Variants in FCHSD2 observed in about 807,000 individuals in gnomAD.
FCHSD2 encodes the protein F-BAR and double SH3 domains protein 2.
In FCHSD2, 38 loss-of-function variants were observed where a neutral mutation model predicts 108.1. The ratio of observed to expected loss-of-function variants is 0.35; its 90% confidence interval spans 0.27 to 0.46. The LOEUF (loss-of-function observed/expected upper bound fraction) is 0.46. Ranked by LOEUF, FCHSD2 falls within the 20% of genes least tolerant of loss-of-function variation. FCHSD2 has a pLI of 1.00. For synonymous variants in FCHSD2, 279 were observed against 314.7 expected (o/e 0.89, Z 1.20); for missense variants, 751 against 897.8 (o/e 0.84, Z 2.09).
intron 2 of FCHSD2, among the ~76,000 whole-genome samples, chr11:73,103,146 T>C (rs1860261990): frequency 6.6e-6 from 1 of 152,194 alleles, no homozygotes. Flanking sequence ...GATGGAAATG[T>C]TCTATATATT....
chr11:73,107,053 T>TA lies in FCHSD2; in HGVS notation c.120-23314_120-23313insT, dbSNP rs1565413434. 2.0e-3 allele frequency among the ~76,000 whole-genome samples: 293 copies of TA among 150,138 alleles called. 1 individual carries two copies. The highest frequency in any genetic ancestry group is 7.0e-3 in the African/African-American group (280 of 39,828). On this transcript the variant is annotated intron_variant, in intron 2 of 19. Transcript: ENST00000409418. ...AGAAAAGCTATATATATATATATAT[T>TA]TTTAAATGGAGTCTCACTCTGTCAC... is the stretch of plus-strand genomic sequence containing the variant.
chr11:73,055,858 G>A (rs186853803), intron 3 of FCHSD2, among the ~76,000 whole-genome samples: 58 of 152,222 alleles, frequency 3.8e-4, no homozygotes, highest in African/African-American at 1.3e-3. Context: ...CAGGGGCTGT[G>A]GGAGGAGACA....
At chr11:72,860,775 A>C (rs1565292776) in intron 13 of FCHSD2, among the ~76,000 whole-genome samples, 1 of 152,166 alleles carries the variant, frequency 6.6e-6, no homozygotes, top group East Asian at 1.9e-4. Flanking sequence ...CTGAGATTGC[A>C]TCACTGCACT....
At chr11:72,890,041 C>A in intron 10 of FCHSD2, 96 bp from the exon 11 acceptor site, 1 of 709,570 alleles carries the variant, frequency 1.4e-6, no homozygotes. Flanking sequence ...ACTTAATCAG[C>A]ACTCAAAACA....
intron 3 of FCHSD2, among the ~76,000 whole-genome samples, chr11:73,066,224 C>T (rs954284565): frequency 6.6e-6 from 1 of 152,138 alleles, no homozygotes; most frequent in African/African-American, 2.4e-5. Context: ...CTTTGACAAA[C>T]CTGACACAAA....
At chr11:72,924,664 G>C (rs1856041401) in intron 8 of FCHSD2, among the ~76,000 whole-genome samples, 1 of 150,940 alleles carries the variant, frequency 6.6e-6, no homozygotes, top group South Asian at 2.1e-4. Context: ...TCTTATGTTT[G>C]GCTGTTCCAT....
At chr11:72,875,434 C>T (rs545288450) in intron 12 of FCHSD2, among the ~76,000 whole-genome samples, 4 of 152,292 alleles carry the variant, frequency 2.6e-5, no homozygotes, top group African/African-American at 7.2e-5. Context: ...GCAATAATAG[C>T]TCACTGTAAC....
intron 13 of FCHSD2, among the ~76,000 whole-genome samples, chr11:72,855,102 T>C (rs1861390829): frequency 6.6e-6 from 1 of 152,146 alleles, no homozygotes; most frequent in South Asian, 2.1e-4. Flanking sequence ...GGAGAAACCC[T>C]GTCTCTACTA....
At chr11:72,946,714 A>G (rs1856527886) in intron 8 of FCHSD2, among the ~76,000 whole-genome samples, 1 of 152,210 alleles carries the variant, frequency 6.6e-6, no homozygotes, top group Non-Finnish European at 1.5e-5. Context: ...CATTTACAGA[A>G]TATCTATTAT....
chr11:73,137,195 T>A (rs1312401838), intron 2 of FCHSD2, among the ~76,000 whole-genome samples: 2 of 151,916 alleles, frequency 1.3e-5, no homozygotes, highest in East Asian at 1.9e-4. Context: ...AATATTGTCT[T>A]TGAAAAAAAA....
At chr11:72,909,188 C>T (rs944875069) in intron 9 of FCHSD2, among the ~76,000 whole-genome samples, 16 of 152,008 alleles carry the variant, frequency 1.1e-4, no homozygotes, top group African/African-American at 3.1e-4. Flanking sequence ...AGGCACACGC[C>T]GCCACGCCTG....
chr11:73,102,439 T>C (rs1860246382), intron 2 of FCHSD2, among the ~76,000 whole-genome samples: 1 of 152,176 alleles, frequency 6.6e-6, no homozygotes, highest in Non-Finnish European at 1.5e-5. Context: ...GTGTACAAAA[T>C]GTGTACAGCA....
chr11:72,935,690 T>C (rs145750701), intron 8 of FCHSD2, among the ~76,000 whole-genome samples: 55 of 152,348 alleles, frequency 3.6e-4, no homozygotes, highest in South Asian at 6.2e-4. Context: ...TCTTAATATG[T>C]AGTTGAATTT....
intron 8 of FCHSD2, among the ~76,000 whole-genome samples, chr11:72,925,108 T>C (rs1856051194): frequency 6.6e-6 from 1 of 152,058 alleles, no homozygotes; most frequent in Non-Finnish European, 1.5e-5. Context: ...CCCACACAGT[T>C]TCTATTATCT....
At chr11:73,141,800 G>T (rs1432150827) in intron 1 of FCHSD2, 57 bp downstream of exon 1, 8 of 1,520,794 alleles carry the variant, frequency 5.3e-6, no homozygotes, top group Non-Finnish European at 6.2e-6. Context: ...GGTCGCCCCA[G>T]CCGCGTTCCG....
At chr11:73,069,786 C>G (rs1859388934) in intron 3 of FCHSD2, among the ~76,000 whole-genome samples, 1 of 152,004 alleles carries the variant, frequency 6.6e-6, no homozygotes, top group Non-Finnish European at 1.5e-5. Context: ...GCAAGAGACC[C>G]AGGTTAACAA....
intron 3 of FCHSD2, among the ~76,000 whole-genome samples, chr11:73,082,338 A>C (rs1159859583): frequency 8.2e-6 from 1 of 121,544 alleles, no homozygotes; most frequent in East Asian, 2.4e-4. Context: ...CTTGTCCCAA[A>C]AAAAAAAAAA....
intron 2 of FCHSD2, among the ~76,000 whole-genome samples, chr11:73,127,962 T>G (rs1195156593): frequency 6.9e-6 from 1 of 145,766 alleles, no homozygotes; most frequent in Non-Finnish European, 1.5e-5. Context: ...CCAGGCGTTG[T>G]GAGATCACAC....
rs755756437 is a variant in FCHSD2 at position 73,001,092 on chromosome 11, C to T, written c.285G>A (p.Met95Ile). Residue 95 changes from methionine to isoleucine, a missense_variant, in exon 5 of 20, where the codon ATG (methionine) becomes ATA (isoleucine). Physicochemically the swap from Met to Ile is conservative, Grantham distance 10 (BLOSUM62 1). Transcript: ENST00000409418. ...PVWKSFLEGT[M>I]QVAQSRMNIC... ...TATTCATCCGAGACTGGGCTACCTG[C>T]ATTGTTCCCTCGAGAAAAGATTTCC... 1 of 1,613,194 alleles carries T rather than the reference C, an allele frequency of 6.2e-7. No individual in the cohort carries two copies. The highest frequency in any genetic ancestry group is 8.5e-7 in the Non-Finnish European group (1 of 1,179,472).
Sources: allele counts gnomAD v4.1 joint callset (sites outside exome capture counted in the v4.1 genomes callset), GRCh38; gene constraint gnomAD v4.1.1; transcripts MANE v1.5; gene names NCBI Gene and HGNC (gene_info 2026-07-23, HGNC 2026-07-21).